The following BMPER variants were observed in gnomAD, a reference collection of about 807,000 sequenced individuals.
BMPER encodes the protein BMP-binding endothelial regulator protein.
In BMPER, 45 loss-of-function variants were observed where a neutral mutation model predicts 87.3. The observed-to-expected ratio is 0.52, with a 90% CI of 0.41 to 0.66. The LOEUF is 0.66. Among genes scored for constraint, BMPER ranks in the 30% least tolerant of loss-of-function variants. The probability of loss-of-function intolerance (pLI) is 0.00; values close to 1 mark genes in which losing one functional copy is unlikely to be tolerated. For missense variants in BMPER, 784 were observed against 867.5 expected (o/e 0.90, Z 1.21); for synonymous variants, 326 against 316.2 (o/e 1.03, Z -0.33).
At chr7:33,905,463 C>A (rs1347882463), upstream of BMPER, 4 of 664,880 alleles carry the variant, frequency 6.0e-6, no homozygotes, top group Non-Finnish European at 9.8e-6. Context: ...TCACACCCCC[C>A]CGCCCCCCAG....
chr7:33,968,507 G>A (rs1256093636), intron 4 of BMPER, among the ~76,000 whole-genome samples: 6 of 152,152 alleles, frequency 3.9e-5, no homozygotes. Flanking sequence ...AGTAGCAGAG[G>A]ATACAGCGTA....
chr7:33,975,294 C>T (rs1023375161), intron 6 of BMPER, among the ~76,000 whole-genome samples: 1 of 152,116 alleles, frequency 6.6e-6, no homozygotes, highest in Admixed American at 6.5e-5. Context: ...GGGACAAACA[C>T]AGCTTGCTTC....
chr7:34,036,571 A>T (rs1787675946), intron 6 of BMPER, among the ~76,000 whole-genome samples: 1 of 152,092 alleles, frequency 6.6e-6, no homozygotes, highest in South Asian at 2.1e-4. Context: ...TCCAGCTATC[A>T]TTCAGCACCT....
chr7:34,110,766 T>G (rs996515709), intron 13 of BMPER, among the ~76,000 whole-genome samples: 5 of 152,188 alleles, frequency 3.3e-5, no homozygotes, highest in African/African-American at 1.2e-4. Flanking sequence ...GTTTTTTAAT[T>G]TATAATTTAT....
rs557387185 is a variant in BMPER at position 34,079,522 on chromosome 7, G to A, written c.1408+336G>A. Among the ~76,000 whole-genome samples the A allele has an allele frequency of 7.2e-5, 11 of 152,216 alleles. No homozygotes were observed. The East Asian group carries it at 1.5e-3, about 21-fold the overall frequency. On this transcript the variant is annotated intron_variant, in intron 12 of 14. Transcript: ENST00000649409. ...CCACATAACCCCTCTCTCAAGTTTT[G>A]TTGCTCTTTTAGGCCGTCGATGCCC... is the stretch of plus-strand genomic sequence containing the variant.
At chr7:34,130,666 G>C (rs1354672975) in intron 13 of BMPER, among the ~76,000 whole-genome samples, 1 of 152,240 alleles carries the variant, frequency 6.6e-6, no homozygotes, top group Non-Finnish European at 1.5e-5. Context: ...AGTAGATGGA[G>C]TGAGGGATCG....
chr7:34,007,162 T>G (rs1376206483), intron 6 of BMPER, among the ~76,000 whole-genome samples: 4 of 151,918 alleles, frequency 2.6e-5, no homozygotes, highest in Non-Finnish European at 2.9e-5. Flanking sequence ...AAAAGGACAT[T>G]GAGATAATCT....
chr7:33,924,531 A>G (rs1784314455), intron 2 of BMPER, among the ~76,000 whole-genome samples: 1 of 151,890 alleles, frequency 6.6e-6, no homozygotes. Flanking sequence ...GGGATACCCA[A>G]CCCCCTCTCC....
chr7:33,955,554 C>T (rs561410881), intron 3 of BMPER, among the ~76,000 whole-genome samples: 4 of 152,300 alleles, frequency 2.6e-5, no homozygotes, highest in East Asian at 3.9e-4. Context: ...CGTGGAAAAA[C>T]GCTTCCCAAA....
chr7:34,088,767 A>G (rs1217629131), intron 13 of BMPER, among the ~76,000 whole-genome samples: 2 of 152,098 alleles, frequency 1.3e-5, no homozygotes, highest in Admixed American at 6.5e-5. Flanking sequence ...CTTACTTTCT[A>G]TGGAGAAGCT....
chr7:33,943,947 G>A (rs1303056325), intron 3 of BMPER, among the ~76,000 whole-genome samples: 1 of 152,152 alleles, frequency 6.6e-6, no homozygotes, highest in African/African-American at 2.4e-5. Flanking sequence ...ATCAATTGCT[G>A]TTGTGTTTTC....
In BMPER at chr7:33,998,282, T is replaced by C. The variant is rs569140867; in HGVS notation, c.576+23498T>C. Among the ~76,000 whole-genome samples the C allele has an allele frequency of 9.9e-4, 151 of 152,360 alleles. 1 individual carries two copies. The highest frequency in any genetic ancestry group is 1.7e-3 in the South Asian group (8 of 4,826). On this transcript the variant is annotated intron_variant, in intron 6 of 14. Transcript: ENST00000649409. Reference sequence around the variant, plus strand: ...GATAAATGGAGTTACCTTGCTTAGTTTGGAAAACACTATCAAATTGTCTGT... The same window carrying C: ...GATAAATGGAGTTACCTTGCTTAGTCTGGAAAACACTATCAAATTGTCTGT...
chr7:34,099,252 G>T (rs938551103), intron 13 of BMPER, among the ~76,000 whole-genome samples: 1 of 152,184 alleles, frequency 6.6e-6, no homozygotes, highest in Non-Finnish European at 1.5e-5. Flanking sequence ...AACCAAATCT[G>T]TTTGACCCGG....
intron 3 of BMPER, among the ~76,000 whole-genome samples, chr7:33,946,991 G>A (rs1486478175): frequency 6.6e-6 from 1 of 152,168 alleles, no homozygotes; most frequent in Non-Finnish European, 1.5e-5. Flanking sequence ...CTTTAAAACA[G>A]AAAAGTAAGT....
At chr7:33,916,261 T>G (rs995699855) in intron 2 of BMPER, among the ~76,000 whole-genome samples, 3 of 152,206 alleles carry the variant, frequency 2.0e-5, no homozygotes, top group African/African-American at 7.2e-5. Context: ...TTTTTTCTTT[T>G]CAAAGCTTCA....
rs1554320989 is a variant in BMPER, at chr7:34,119,014, T to TCACACACACACACGCA, written c.1746-24203_1746-24202insGCACACACACACACAC. On this transcript the variant is annotated intron_variant, in intron 13 of 14. Transcript: ENST00000649409. ...CTCTCACTGTCTCTCTCTCTCTCTC[T>TCACACACACACACGCA]CACACACACACACACACACACACGC... 2.9e-5 allele frequency among the ~76,000 whole-genome samples: 4 copies of TCACACACACACACGCA among 135,794 alleles called. No homozygotes were observed. The East Asian group carries it at 8.8e-4, about 30-fold the overall frequency. The allele number at this position is 135,794 out of a possible 152,430, so 89.1% of individuals were successfully genotyped here. A position where few individuals can be genotyped will look rare whatever the true frequency, so the allele number is the denominator to read the frequency against.
At chr7:34,148,125 A>G (rs1205189837) in intron 14 of BMPER, among the ~76,000 whole-genome samples, 1 of 152,012 alleles carries the variant, frequency 6.6e-6, no homozygotes, top group Non-Finnish European at 1.5e-5. Flanking sequence ...CCACCAAACC[A>G]AGGATCCGCC....
At chr7:33,923,335 G>A (rs550432972) in intron 2 of BMPER, among the ~76,000 whole-genome samples, 17 of 152,278 alleles carry the variant, frequency 1.1e-4, no homozygotes, top group African/African-American at 4.1e-4. Context: ...ACACCCGTCT[G>A]TAATACTCAC....
At chr7:34,110,074 G>T (rs1181146095) in intron 13 of BMPER, among the ~76,000 whole-genome samples, 1 of 152,206 alleles carries the variant, frequency 6.6e-6, no homozygotes, top group Non-Finnish European at 1.5e-5. Flanking sequence ...AGATTTTGAA[G>T]CAGCGACCTG....
Sources: allele counts gnomAD v4.1 joint callset (sites outside exome capture counted in the v4.1 genomes callset), GRCh38; gene constraint gnomAD v4.1.1; transcripts MANE v1.5; gene names NCBI Gene and HGNC (gene_info 2026-07-23, HGNC 2026-07-21).